RIOK1: variants seen among roughly 807,000 people sequenced by gnomAD.
RIOK1 encodes the protein RIO kinase 1, also known as serine/threonine-protein kinase RIO1.
Under a neutral mutation model 73.5 loss-of-function variants are expected in RIOK1, and 66 were observed. That is an observed-to-expected ratio of 0.90 (90% CI 0.74 to 1.10). RIOK1 has a LOEUF of 1.10. Among genes scored for constraint, RIOK1 ranks in the 50% least tolerant of loss-of-function variants. The pLI is 0.00. For missense variants in RIOK1, 658 were observed against 699.8 expected, an observed-to-expected ratio of 0.94 and a Z score of 0.67; for synonymous variants, 224 against 226.8, an observed-to-expected ratio of 0.99 and a Z score of 0.11.
At chr6:7,401,217 A>G (rs1761603797) in intron 6 of RIOK1, among the ~76,000 whole-genome samples, 167 bp downstream of exon 6, 1 of 152,210 alleles carries the variant, frequency 6.6e-6, no homozygotes, top group Non-Finnish European at 1.5e-5. Flanking sequence ...CGCCCTTTTC[A>G]CTACCGCTGC....
chr6:7,401,400 C>T (rs1761608819), intron 6 of RIOK1, among the ~76,000 whole-genome samples: 1 of 152,046 alleles, frequency 6.6e-6, no homozygotes, highest in Non-Finnish European at 1.5e-5. Context: ...GGGTATACTG[C>T]CTTCTGTTTG....
chr6:7,416,427 T>G (rs1356027659), intron 16 of RIOK1, among the ~76,000 whole-genome samples: 2 of 152,154 alleles, frequency 1.3e-5, no homozygotes, highest in Non-Finnish European at 2.9e-5. Context: ...GGCAGGTGGA[T>G]CACGAGGTCA....
chr6:7,416,169 G>A (rs895359304), intron 16 of RIOK1, among the ~76,000 whole-genome samples: 5 of 152,108 alleles, frequency 3.3e-5, no homozygotes, highest in African/African-American at 1.2e-4. Flanking sequence ...TACAATGTGG[G>A]TCCCAAGACT....
chr6:7,397,916 C>T (rs938921527), intron 4 of RIOK1, among the ~76,000 whole-genome samples: 1 of 151,992 alleles, frequency 6.6e-6, no homozygotes, highest in African/African-American at 2.4e-5. Flanking sequence ...CAGAGGCGGG[C>T]GGATCACAAG....
intron 5 of RIOK1, among the ~76,000 whole-genome samples, chr6:7,399,831 G>A (rs74458738): frequency 6.6e-6 from 1 of 152,172 alleles, no homozygotes; most frequent in Non-Finnish European, 1.5e-5. Flanking sequence ...TGCAATGGTC[G>A]TGATTTGGTT....
chr6:7,414,490 CATT>C lies in RIOK1; in HGVS notation c.1596+104_1596+106del, dbSNP rs1761954791. The C allele has an allele frequency of 2.7e-6, 3 of 1,120,278 alleles. No homozygotes were observed. The African/African-American group carries it at 4.7e-5, about 18-fold the overall frequency. The allele number at this position is 1,120,278 out of a possible 1,614,324, so 69.4% of individuals were successfully genotyped here. ...CTAGCTAGATTATGATGGCTGAAAACATTATTGATAAGTACCTCTAATTACAGT... is the reference window on the plus strand; with the variant it reads ...CTAGCTAGATTATGATGGCTGAAAACATTGATAAGTACCTCTAATTACAGT... On this transcript the variant is annotated intron_variant, in intron 16 of 16. Coordinates refer to ENST00000379834, the MANE Select transcript of RIOK1 (RefSeq NM_031480.3).
chr6:7,392,815 TAAC>T (rs1561873384), intron 1 of RIOK1: 4 of 446,736 alleles, frequency 9.0e-6, no homozygotes. Flanking sequence ...GCAGAGAAGA[TAAC>T]AATATAATTT....
intron 12 of RIOK1, among the ~76,000 whole-genome samples, chr6:7,405,985 T>G (rs1346933053): frequency 6.6e-6 from 1 of 151,614 alleles, no homozygotes; most frequent in Non-Finnish European, 1.5e-5. Context: ...TTTTCTTTTT[T>G]CTTTTCTTTC....
At chr6:7,393,445 T>C in intron 2 of RIOK1, 142 bp downstream of exon 2, 2 of 648,472 alleles carry the variant, frequency 3.1e-6, no homozygotes. Context: ...CTTTACTGAT[T>C]TTCACTTTTC....
rs1304401814 is a variant in RIOK1 at position 7,402,815 on chromosome 6, A to C, written c.687-2A>C. The C allele has an allele frequency of 2.0e-5, 32 of 1,610,678 alleles. No individual in the cohort carries two copies. The highest frequency in any genetic ancestry group is 2.6e-5 in the Non-Finnish European group (31 of 1,178,322). ...AAATAATAAACATTTTTCTTATTCA[A>C]GATTTCGTCATGGCTATTGTAAAGG... On this transcript the variant is annotated splice_acceptor_variant, in intron 7 of 16. Transcript: ENST00000379834. LOFTEE classifies it high-confidence loss of function.
intron 3 of RIOK1, among the ~76,000 whole-genome samples, chr6:7,395,461 C>T (rs369446650): frequency 2.9e-4 from 42 of 146,186 alleles, no homozygotes; most frequent in African/African-American, 6.0e-4. Flanking sequence ...TGTGATGAGC[C>T]GAGATTGTGC....
rs200535882 is a variant in RIOK1, at chr6:7,414,369, G to A, written c.1575G>A (p.Thr525=). The part of the protein sequence containing the change: ...GDHARPKKHT[T]DPDIDKKERK... ...ATGCCCGCCCCAAGAAACACACCAC[G>A]GACCCTGACATTGATAAAAAAGTAA... The change falls in exon 16 of 17, where the codon ACG becomes ACA. Residue 525 remains threonine (T), a synonymous_variant. Coordinates refer to ENST00000379834, the MANE Select transcript of RIOK1 (RefSeq NM_031480.3). 13 of 1,607,474 alleles carry A rather than the reference G, an allele frequency of 8.1e-6. No individual in the cohort carries two copies. Among genetic ancestry groups the A allele is most frequent in the East Asian group, 4.5e-5 (2 of 44,788 alleles).
At chr6:7,397,937 C>CTCT (rs1431687346) in intron 4 of RIOK1, among the ~76,000 whole-genome samples, 1 of 152,082 alleles carries the variant, frequency 6.6e-6, no homozygotes, top group African/African-American at 2.4e-5. Context: ...GTCAGGAGAT[C>CTCT]GAGACCATCT....
Position 7,404,943 on chromosome 6 carries a change from A to T in RIOK1, c.1018A>T (p.Ile340Phe). 6.2e-7 allele frequency: 1 copy of T among 1,614,144 alleles called. No homozygotes were observed. The highest frequency in any genetic ancestry group is 8.5e-7 in the Non-Finnish European group (1 of 1,180,006). Residue 340 changes from isoleucine to phenylalanine, a missense_variant, in exon 11 of 17, where the codon ATT (isoleucine) becomes TTT (phenylalanine). By Grantham distance (21) the Ile-to-Phe change is conservative (BLOSUM62 0). Coordinates refer to ENST00000379834, the MANE Select transcript of RIOK1 (RefSeq NM_031480.3). ...GTACCACGGTGGAGGCGTGTATATC[A>T]TTGACGTGTCTCAGTCCGTGGAGCA... Reference protein sequence around the residue: ...MLYHGGGVYIIDVSQSVEHDH... With the variant: ...MLYHGGGVYIFDVSQSVEHDH...
intron 9 of RIOK1, 129 bp downstream of exon 9, chr6:7,404,156 G>A: frequency 1.3e-6 from 1 of 777,812 alleles, no homozygotes; most frequent in Admixed American, 2.2e-5. Flanking sequence ...TAGTGAATAA[G>A]TGTTATCAAT....
intron 14 of RIOK1, among the ~76,000 whole-genome samples, chr6:7,412,135 C>T (rs12209665): frequency 0.44 from 66,287 of 151,786 alleles, 16,803 homozygotes; most frequent in Middle Eastern, 0.6. Flanking sequence ...CTAAGGTGGG[C>T]GGATCACTTG....
chr6:7,397,967 C>T (rs903643637), intron 4 of RIOK1, among the ~76,000 whole-genome samples: 29 of 152,170 alleles, frequency 1.9e-4, no homozygotes, highest in Middle Eastern at 3.2e-3. Context: ...AGGTGAAATC[C>T]TGTCTCTACT....
At chr6:7,413,814 A>G (rs2113530871) in intron 15 of RIOK1, among the ~76,000 whole-genome samples, 1 of 152,308 alleles carries the variant, frequency 6.6e-6, no homozygotes, top group East Asian at 1.9e-4. Flanking sequence ...TTCTTCACAT[A>G]TTGTTTTCCC....
At position 7,407,382 on chromosome 6, in the gene RIOK1, G is replaced by T. The variant is rs770986607; in HGVS notation, c.1203+2027G>T. Among the ~76,000 whole-genome samples the T allele has an allele frequency of 2.0e-5, 3 of 152,200 alleles. No homozygotes were observed. In the East Asian group the frequency reaches 5.8e-4, roughly 29 times the overall value. On this transcript the variant is annotated intron_variant, in intron 12 of 16. Transcript: ENST00000379834. Reference sequence around the variant, plus strand: ...TGAGAGACCCCCTAATGAGTGTGAGGTGTATGTTATTATGGTTTTGGTTTG... The same window carrying T: ...TGAGAGACCCCCTAATGAGTGTGAGTTGTATGTTATTATGGTTTTGGTTTG...
Sources: allele counts gnomAD v4.1 joint callset (sites outside exome capture counted in the v4.1 genomes callset), GRCh38; gene constraint gnomAD v4.1.1; transcripts MANE v1.5; gene names NCBI Gene and HGNC (gene_info 2026-07-23, HGNC 2026-07-21).